Variants in USP34 observed in about 807,000 individuals in gnomAD.
USP34 encodes the protein ubiquitin specific peptidase 34.
In USP34, 70 loss-of-function variants were observed where a neutral mutation model predicts 460.3. The ratio of observed to expected loss-of-function variants is 0.15; its 90% confidence interval spans 0.13 to 0.19. USP34 has a LOEUF of 0.19. Among genes scored for constraint, USP34 ranks in the 10% least tolerant of loss-of-function variants. The pLI, the probability that USP34 is intolerant of heterozygous loss-of-function variation, is 1.00. For missense variants in USP34, 3,985 were observed against 4,236.2 expected (o/e 0.94, Z 1.65); for synonymous variants, 1,647 against 1,405.3 (o/e 1.17, Z -3.85).
intron 2 of USP34, among the ~76,000 whole-genome samples, chr2:61,409,920 T>C (rs1407748403): frequency 6.6e-6 from 1 of 152,142 alleles, no homozygotes; most frequent in Non-Finnish European, 1.5e-5. Context: ...TACACAAATA[T>C]ATGTATTTTT....
In USP34 at chr2:61,397,931, A is replaced by C. The variant is rs150249300; in HGVS notation, c.553-2698T>G. ...AAAAAAAAGAAATTAACCAGGGGTG[A>C]TGGCACACGCCTGTAATCCCAGCTG... On this transcript the variant is annotated intron_variant, in intron 3 of 79. Transcript: ENST00000398571. Among the ~76,000 whole-genome samples, 517 of 152,086 alleles carry C rather than the reference A, an allele frequency of 3.4e-3. 2 individuals are homozygous for C. Among genetic ancestry groups the C allele is most frequent in the African/African-American group, 0.011 (447 of 41,506 alleles).
At chr2:61,238,983 A>G (rs1218205233) in intron 53 of USP34, among the ~76,000 whole-genome samples, 2 of 150,988 alleles carry the variant, frequency 1.3e-5, no homozygotes, top group East Asian at 1.9e-4. Context: ...ATATTATTAT[A>G]TATTATATTA....
chr2:61,345,398 A>T (rs1473359470), intron 15 of USP34, among the ~76,000 whole-genome samples: 1 of 152,236 alleles, frequency 6.6e-6, no homozygotes, highest in Admixed American at 6.5e-5. Flanking sequence ...ATATGTATAG[A>T]TATGTAGAGT....
chr2:61,274,331 G>A (rs890986860), intron 41 of USP34, among the ~76,000 whole-genome samples: 12 of 151,596 alleles, frequency 7.9e-5, no homozygotes, highest in African/African-American at 2.7e-4. Flanking sequence ...TGGAGGTTGA[G>A]GTAAGCTGAG....
chr2:61,224,674 T>A (rs755639175), intron 62 of USP34, among the ~76,000 whole-genome samples: 1 of 152,198 alleles, frequency 6.6e-6, no homozygotes, highest in Non-Finnish European at 1.5e-5. Flanking sequence ...GTTTCAAAAA[T>A]AATGATTTGA....
At chr2:61,231,207 A>T (rs1195112154) in intron 58 of USP34, among the ~76,000 whole-genome samples, 1 of 152,148 alleles carries the variant, frequency 6.6e-6, no homozygotes, top group Non-Finnish European at 1.5e-5. Context: ...ATAAAGATAG[A>T]AAGTAGACTA....
At chr2:61,410,978 C>A (rs1007241590) in intron 2 of USP34, among the ~76,000 whole-genome samples, 1 of 152,064 alleles carries the variant, frequency 6.6e-6, no homozygotes, top group Non-Finnish European at 1.5e-5. Flanking sequence ...TTAAAACCTG[C>A]AGGTTCCCAT....
chr2:61,245,250 G>C lies in USP34; in HGVS notation c.6587C>G (p.Ser2196Cys), dbSNP rs1688388828. 6.2e-7 allele frequency: 1 copy of C among 1,609,220 alleles called. No individual in the cohort carries two copies. The highest frequency in any genetic ancestry group is 1.3e-5 in the African/African-American group (1 of 74,106). ...FNDAEVKPFDSAQLASECFGG... is the reference protein window; with the variant it reads ...FNDAEVKPFDCAQLASECFGG... ...AAAACATTCAGATGCAAGTTGAGCA[G>C]AATCAAAAGGTTTTACCTCAGCATC... The change falls in exon 51 of 80, where the codon TCT becomes TGT. Residue 2196 changes from serine (S) to cysteine (C), a missense_variant. Physicochemically the swap from Ser to Cys is moderately radical, Grantham distance 112. Around this residue, in one of 14 missense-constraint regions of USP34, gnomAD observed 11 missense variants for 37.7 expected, o/e 0.29. Coordinates refer to ENST00000398571, the MANE Select transcript of USP34 (RefSeq NM_014709.4).
chr2:61,465,869 C>T lies in USP34; in HGVS notation c.43+4781G>A, dbSNP rs1374557594. Among the ~76,000 whole-genome samples, 11 of 151,358 alleles carry T rather than the reference C, an allele frequency of 7.3e-5. No individual in the cohort carries two copies. In the East Asian group the frequency reaches 1.2e-3, roughly 16 times the overall value. On this transcript the variant is annotated intron_variant, in intron 1 of 79. Transcript: ENST00000398571. ...GCGGGCGCCTGTAGTTCCAGCTCCTCGGGAAGCTGAGTCAGGAGAATGGCG... is the reference window on the plus strand; with the variant it reads ...GCGGGCGCCTGTAGTTCCAGCTCCTTGGGAAGCTGAGTCAGGAGAATGGCG...
rs368875850 is a variant in USP34, at chr2:61,284,858, T to G, written c.4832+17A>C. 1.9e-6 allele frequency: 3 copies of G among 1,588,844 alleles called. No homozygotes were observed. In the African/African-American group the frequency reaches 4.0e-5, roughly 21 times the overall value. On this transcript the variant is annotated intron_variant, in intron 35 of 79. Transcript: ENST00000398571. Reference sequence around the variant, plus strand: ...CTGCTATACATACACACATAAAATATATCTTAAAATGCATACCTAGGAGCC... The same window carrying G: ...CTGCTATACATACACACATAAAATAGATCTTAAAATGCATACCTAGGAGCC...
chr2:61,212,067 A>G (rs1687285128), intron 68 of USP34, 138 bp from the exon 69 acceptor site: 3 of 1,211,402 alleles, frequency 2.5e-6, no homozygotes, highest in Non-Finnish European at 3.3e-6. Context: ...GAAAGTTATA[A>G]AATCAGTAAC....
intron 78 of USP34, 78 bp downstream of exon 78, chr2:61,190,193 G>A (rs1309958455): frequency 6.6e-7 from 1 of 1,505,606 alleles, no homozygotes; most frequent in South Asian, 1.4e-5. Flanking sequence ...AGTTACGAGA[G>A]TAAAATCATA....
intron 64 of USP34, 52 bp from the exon 65 acceptor site, chr2:61,222,715 G>A: frequency 1.3e-6 from 2 of 1,557,782 alleles, no homozygotes; most frequent in Non-Finnish European, 1.8e-6. Flanking sequence ...TTTTGTTTTT[G>A]AGACAGGGTT....
chr2:61,258,124 C>T (rs1558495265), intron 44 of USP34, among the ~76,000 whole-genome samples: 1 of 152,020 alleles, frequency 6.6e-6, no homozygotes, highest in Non-Finnish European at 1.5e-5. Flanking sequence ...GAGGGTACGG[C>T]GAGTTGATTG....
chr2:61,334,501 G>T (rs527972730), intron 18 of USP34, among the ~76,000 whole-genome samples: 1 of 152,254 alleles, frequency 6.6e-6, no homozygotes, highest in Admixed American at 6.5e-5. Flanking sequence ...TAGGAAAGGA[G>T]GTTGGCTGCA....
intron 18 of USP34, among the ~76,000 whole-genome samples, chr2:61,337,228 T>C (rs1691447870): frequency 6.6e-6 from 1 of 152,202 alleles, no homozygotes; most frequent in Admixed American, 6.5e-5. Flanking sequence ...CACCTGTTTT[T>C]ACATGATATA....
At chr2:61,297,932 G>A (rs1690085422) in intron 29 of USP34, among the ~76,000 whole-genome samples, 7 of 152,014 alleles carry the variant, frequency 4.6e-5, no homozygotes, top group Admixed American at 1.3e-4. Flanking sequence ...AGCAACCCTC[G>A]AGTAACACTT....
Position 61,236,372 on chromosome 2 carries a change from G to T in USP34, c.6795C>A (p.Asn2265Lys). 1.2e-6 allele frequency: 2 copies of T among 1,601,636 alleles called. No individual in the cohort carries two copies. The highest frequency in any genetic ancestry group is 1.7e-6 in the Non-Finnish European group (2 of 1,174,858). ...TGTTTTTGTCTTGAAGAAACTGCAT[G>T]TTATCATGCCAAATCCACTGAAAAT... ...SELLEWIWHD[N>K]MQFLQDKNIF... The change falls in exon 54 of 80, where the codon AAC (asparagine) becomes AAA (lysine). Residue 2265 changes from asparagine (N) to lysine (K), a missense_variant. Asn to Lys is a moderately conservative substitution (Grantham distance 94, BLOSUM62 0). This residue lies in a region of USP34 where 604 missense variants were observed against 684.8 expected (regional missense o/e 0.88). Transcript: ENST00000398571.
At chr2:61,375,654 A>C (rs1470531246) in intron 8 of USP34, among the ~76,000 whole-genome samples, 1 of 151,504 alleles carries the variant, frequency 6.6e-6, no homozygotes, top group East Asian at 1.9e-4. Context: ...CTGTAGTCCC[A>C]GCTACTCGGG....
Sources: allele counts gnomAD v4.1 joint callset (sites outside exome capture counted in the v4.1 genomes callset), GRCh38; gene constraint gnomAD v4.1.1; regional missense constraint gnomAD v4.1.1; transcripts MANE v1.5; gene names NCBI Gene and HGNC (gene_info 2026-07-23, HGNC 2026-07-21).